Variants in CLDN16 observed in about 807,000 individuals in gnomAD.
The protein encoded by CLDN16 is claudin 16, also known as claudin-16.
A neutral mutation model predicts 24.6 loss-of-function variants in CLDN16; 13 were observed. That is an observed-to-expected ratio of 0.53 (90% CI 0.34 to 0.84). The LOEUF (loss-of-function observed/expected upper bound fraction) is 0.84, where lower values mean the gene tolerates loss of function less well. Among genes scored for constraint, CLDN16 ranks in the 40% least tolerant of loss-of-function variants. The pLI, the probability that CLDN16 is intolerant of heterozygous loss-of-function variation, is 0.01. For missense variants in CLDN16, 298 were observed against 292.7 expected, an observed-to-expected ratio of 1.02 and a Z score of -0.13; for synonymous variants, 116 against 106.7, an observed-to-expected ratio of 1.09 and a Z score of -0.54.
At chr3:190,377,808 G>A (rs1329260154) in intron 3 of CLDN16, among the ~76,000 whole-genome samples, 1 of 151,924 alleles carries the variant, frequency 6.6e-6, no homozygotes, top group Non-Finnish European at 1.5e-5. Flanking sequence ...GTGTAAAGAA[G>A]GTTTGAGTCT....
intron 3 of CLDN16, among the ~76,000 whole-genome samples, chr3:190,382,025 G>GA (rs950218064): frequency 2.3e-3 from 328 of 144,866 alleles, no homozygotes; most frequent in African/African-American, 7.8e-3. Flanking sequence ...TGAGTCAAAA[G>GA]AAAAAAAAAA....
At chr3:190,377,106 A>G (rs964578268) in intron 3 of CLDN16, among the ~76,000 whole-genome samples, 4 of 151,928 alleles carry the variant, frequency 2.6e-5, no homozygotes, top group African/African-American at 4.8e-5. Context: ...ACTGGGTTCA[A>G]AGGAACTGTA....
At chr3:190,302,275 G>T in the CLDN16 span, among the ~76,000 whole-genome samples, 76 of 152,144 alleles carry the variant, frequency 5.0e-4, no homozygotes, top group African/African-American at 1.8e-3. Context: ...AATAGTTCTT[G>T]GCTATTTAGT....
In CLDN16 at chr3:190,335,153, C is replaced by T. The variant is rs562789625; in HGVS notation, n.121+12492C>T. Among the ~76,000 whole-genome samples the T allele has an allele frequency of 2.5e-3, 385 of 151,770 alleles. 3 individuals are homozygous for T. The highest frequency in any genetic ancestry group is 4.2e-3 in the Non-Finnish European group (287 of 67,942). On this transcript the variant is annotated intron_variant and non_coding_transcript_variant, in intron 1 of 4. Coordinates refer to the CLDN16 transcript ENST00000468220. ...ATGGCTCCCAGGTTCAAGCGATTCTCCTGCCACAGCCTCCCTAGTAGCTGA... is the reference window on the plus strand; with the variant it reads ...ATGGCTCCCAGGTTCAAGCGATTCTTCTGCCACAGCCTCCCTAGTAGCTGA...
chr3:190,368,177 ATC>A (rs1412372934), intron 1 of CLDN16, among the ~76,000 whole-genome samples: 1 of 151,934 alleles, frequency 6.6e-6, no homozygotes, highest in East Asian at 1.9e-4. Context: ...AGAATTGATG[ATC>A]TGTTACTTCT....
intron 1 of CLDN16, among the ~76,000 whole-genome samples, chr3:190,325,261 G>A (rs965218263): frequency 6.6e-6 from 1 of 152,100 alleles, no homozygotes; most frequent in Non-Finnish European, 1.5e-5. Flanking sequence ...TTTGACGCTC[G>A]TGTCCATGCC....
the CLDN16 span, among the ~76,000 whole-genome samples, chr3:190,298,074 A>T: frequency 6.6e-6 from 1 of 152,164 alleles, no homozygotes; most frequent in African/African-American, 2.4e-5. Flanking sequence ...ATTTGTTTTA[A>T]AACATATTTC....
chr3:190,322,464 C>G (rs1458170040), upstream of CLDN16: 11 of 547,280 alleles, frequency 2.0e-5, no homozygotes, highest in East Asian at 9.3e-5. Context: ...CGCTGGGCGC[C>G]GCGATTTAAA....
At chr3:190,351,716 G>GT (rs1717675447) in intron 1 of CLDN16, among the ~76,000 whole-genome samples, 1 of 151,930 alleles carries the variant, frequency 6.6e-6, no homozygotes, top group Non-Finnish European at 1.5e-5. Context: ...AGAAATAGAG[G>GT]TAAACAGATG....
intron 1 of CLDN16, among the ~76,000 whole-genome samples, chr3:190,366,809 A>G (rs1718035103): frequency 1.3e-5 from 2 of 151,892 alleles, no homozygotes; most frequent in African/African-American, 4.8e-5. Context: ...AGAGGATCTC[A>G]GTTTTGAGCA....
At chr3:190,386,325 A>G (rs1419226291), upstream of CLDN16, among the ~76,000 whole-genome samples, 1 of 152,156 alleles carries the variant, frequency 6.6e-6, no homozygotes, top group Non-Finnish European at 1.5e-5. Context: ...AGCATCTGTA[A>G]TGTACCTCGC....
chr3:190,388,883 G>A lies in CLDN16; in HGVS notation c.114+440G>A, dbSNP rs749258639. Among the ~76,000 whole-genome samples the A allele has an allele frequency of 8.5e-5, 13 of 152,142 alleles. No homozygotes were observed. In the Middle Eastern group the frequency reaches 0.02, roughly 239 times the overall value. On this transcript the variant is annotated intron_variant, in intron 1 of 4. Coordinates refer to ENST00000264734, the MANE Select transcript of CLDN16 (RefSeq NM_006580.4). The stretch of plus-strand genomic sequence containing the variant: ...TTAAGGAGTGTTAATAATCTAAAAC[G>A]TTGAGAAAGAAAATGCAAGGCATGC...
chr3:190,379,415 C>G (rs961548531), intron 3 of CLDN16, among the ~76,000 whole-genome samples: 3 of 152,088 alleles, frequency 2.0e-5, no homozygotes, highest in Admixed American at 6.6e-5. Flanking sequence ...ATACCCTCCC[C>G]CAACTAGAAT....
the CLDN16 span, among the ~76,000 whole-genome samples, chr3:190,311,765 CAG>C: frequency 9.3e-5 from 14 of 150,872 alleles, no homozygotes; most frequent in African/African-American, 3.2e-4. Context: ...TATATACACA[CAG>C]AGAGATTGCA....
chr3:190,387,271 A>G (rs1718525670), upstream of CLDN16, among the ~76,000 whole-genome samples: 1 of 152,212 alleles, frequency 6.6e-6, no homozygotes, highest in African/African-American at 2.4e-5. Context: ...AAGGATACCT[A>G]TTCAGATACA....
intron 1 of CLDN16, among the ~76,000 whole-genome samples, chr3:190,344,475 A>G (rs956948405): frequency 1.3e-5 from 2 of 151,842 alleles, no homozygotes; most frequent in African/African-American, 2.4e-5. Flanking sequence ...AGAGTAGTGA[A>G]TAATGTATAT....
chr3:190,323,003 T>TACACACACACACACACACACAC (rs147722582), intron 1 of CLDN16, among the ~76,000 whole-genome samples: 3,663 of 144,472 alleles, frequency 0.025, 67 homozygotes, highest in Middle Eastern at 0.049. Context: ...CAACATGATT[T>TACACACACACACACACACACAC]ACACACACAC....
At chr3:190,309,886 TTAA>T in the CLDN16 span, among the ~76,000 whole-genome samples, 1 of 152,212 alleles carries the variant, frequency 6.6e-6, no homozygotes, top group Admixed American at 6.5e-5. Context: ...AACATCTTTA[TTAA>T]TATTTGAAAA....
intron 1 of CLDN16, among the ~76,000 whole-genome samples, chr3:190,347,719 A>T (rs1717580955): frequency 6.6e-6 from 1 of 152,190 alleles, no homozygotes; most frequent in African/African-American, 2.4e-5. Flanking sequence ...GGTGATATGA[A>T]AGTCAATGAT....
Sources: allele counts gnomAD v4.1 joint callset (sites outside exome capture counted in the v4.1 genomes callset), GRCh38; gene constraint gnomAD v4.1.1; transcripts MANE v1.5; gene names NCBI Gene and HGNC (gene_info 2026-07-23, HGNC 2026-07-21).